COL27A1: variants seen among roughly 807,000 people sequenced by gnomAD.
COL27A1 encodes collagen type XXVII alpha 1 chain.
Under a neutral mutation model 251.3 loss-of-function variants are expected in COL27A1, and 106 were observed. That is an observed-to-expected ratio of 0.42 (90% CI 0.36 to 0.50). COL27A1 has a LOEUF of 0.50. Ranked by LOEUF, COL27A1 falls within the 20% of genes least tolerant of loss-of-function variation. The pLI is 0.00. For missense variants in COL27A1, 2,325 were observed against 2,522.8 expected (o/e 0.92, Z 1.68); for synonymous variants, 1,000 against 986.3 (o/e 1.01, Z -0.26).
chr9:114,225,885 C>T (rs976626147), intron 14 of COL27A1, among the ~76,000 whole-genome samples: 8 of 152,170 alleles, frequency 5.3e-5, no homozygotes, highest in Non-Finnish European at 8.8e-5. Context: ...ATGTGTGCAA[C>T]ACATGCACTG....
intron 14 of COL27A1, 24 bp downstream of exon 14, chr9:114,222,291 A>G: frequency 1.9e-6 from 3 of 1,609,600 alleles, no homozygotes; most frequent in Non-Finnish European, 2.5e-6. Flanking sequence ...TGCCTGGGGC[A>G]GCAGGTGGGT....
In COL27A1 at chr9:114,180,215, C is replaced by T. The variant is rs79095630; in HGVS notation, c.1962+1871C>T. Among the ~76,000 whole-genome samples the T allele has an allele frequency of 2.7e-3, 407 of 152,266 alleles. 11 individuals are homozygous for T. In the South Asian group the frequency reaches 0.041, roughly 15 times the overall value. ...CCTGAGCCCCTCCAGAGATAGGCCTCGGTTACCTCTCTCTCCTACGTGATG... is the reference window on the plus strand; with the variant it reads ...CCTGAGCCCCTCCAGAGATAGGCCTTGGTTACCTCTCTCTCCTACGTGATG... On this transcript the variant is annotated intron_variant, in intron 4 of 60. Transcript: ENST00000356083.
chr9:114,248,221 G>A (rs1249120454), intron 24 of COL27A1, among the ~76,000 whole-genome samples: 3 of 152,210 alleles, frequency 2.0e-5, no homozygotes, highest in Non-Finnish European at 4.4e-5. Flanking sequence ...CAGACTGGCT[G>A]CCAGGCCCTG....
chr9:114,284,742 G>C lies in COL27A1; in HGVS notation c.3952G>C (p.Gly1318Arg), dbSNP rs1231105360. 3 of 1,614,066 alleles carry C rather than the reference G, an allele frequency of 1.9e-6. No homozygotes were observed. The African/African-American group carries it at 4.0e-5, about 22-fold the overall frequency. Residue 1318 changes from glycine (G) to arginine (R), a missense_variant, in exon 41 of 61, where the codon GGA becomes CGA. Transcript: ENST00000356083. ...AGYDGHKGIVGPLGPPGPKGE... is the reference protein window; with the variant it reads ...AGYDGHKGIVRPLGPPGPKGE... ...CCTGCAGGGACACAAAGGCATTGTG[G>C]GACCCCTTGGACCTCCTGGACCAAA...
chr9:114,203,336 T>C (rs1351551189), intron 7 of COL27A1, among the ~76,000 whole-genome samples: 1 of 152,202 alleles, frequency 6.6e-6, no homozygotes, highest in African/African-American at 2.4e-5. Context: ...CAATGCCAAA[T>C]ACTGCGCTTT....
intron 28 of COL27A1, among the ~76,000 whole-genome samples, chr9:114,261,112 C>G (rs991591364): frequency 3.9e-5 from 6 of 152,222 alleles, no homozygotes; most frequent in Non-Finnish European, 8.8e-5. Context: ...ACTGCCTGAG[C>G]ACCTTGAACT....
intron 28 of COL27A1, among the ~76,000 whole-genome samples, chr9:114,263,874 T>C (rs1834532811): frequency 6.6e-6 from 1 of 152,172 alleles, no homozygotes; most frequent in Non-Finnish European, 1.5e-5. Context: ...ATGGGGCTGC[T>C]CCACACATCT....
At chr9:114,188,648 A>G (rs1461579726) in intron 5 of COL27A1, among the ~76,000 whole-genome samples, 3 of 152,360 alleles carry the variant, frequency 2.0e-5, no homozygotes, top group Non-Finnish European at 2.9e-5. Flanking sequence ...ATACATACAC[A>G]TATATACAAA....
chr9:114,270,259 A>T (rs2787332), intron 35 of COL27A1, among the ~76,000 whole-genome samples: 1 of 152,074 alleles, frequency 6.6e-6, no homozygotes, highest in East Asian at 1.9e-4. Context: ...AACAGATGCC[A>T]ATGAGACCTA....
chr9:114,236,207 C>T (rs1011399469), intron 17 of COL27A1, among the ~76,000 whole-genome samples: 2 of 152,148 alleles, frequency 1.3e-5, no homozygotes, highest in Non-Finnish European at 2.9e-5. Context: ...GGCCATTTCC[C>T]TCTCTAGATG....
intron 14 of COL27A1, among the ~76,000 whole-genome samples, chr9:114,228,414 G>T (rs187605508): frequency 6.6e-6 from 1 of 152,208 alleles, no homozygotes; most frequent in Non-Finnish European, 1.5e-5. Context: ...GGCTGCCTTC[G>T]TCCAGGAAAG....
chr9:114,236,061 C>T (rs1832375151), intron 17 of COL27A1, among the ~76,000 whole-genome samples: 1 of 152,054 alleles, frequency 6.6e-6, no homozygotes, highest in Non-Finnish European at 1.5e-5. Context: ...CTCTGCACTC[C>T]AGCCCCACTG....
In COL27A1 at chr9:114,301,445, G is replaced by T; in HGVS notation, c.4792G>T (p.Gly1598Ter). Residue 1598 changes from glycine to a stop codon, truncating the protein, a stop_gained and splice_region_variant, in exon 54 of 61, where the codon GGA becomes TGA. Coordinates refer to ENST00000356083, the MANE Select transcript of COL27A1 (RefSeq NM_032888.4). LOFTEE classifies it high-confidence loss of function. ...KGDKGSRGDW[G>*]LQGPRGPPGP... Reference sequence around the variant, plus strand: ...CTCCCCTGCTTCTGTCTCCCTCCAGGGATTGCAAGGTCCGAGGGTGAGTGG... The same window carrying T: ...CTCCCCTGCTTCTGTCTCCCTCCAGTGATTGCAAGGTCCGAGGGTGAGTGG... 1 of 1,611,836 alleles carries T rather than the reference G, an allele frequency of 6.2e-7. No homozygotes were observed. Among genetic ancestry groups the T allele is most frequent in the Non-Finnish European group, 8.5e-7 (1 of 1,179,850 alleles).
intron 12 of COL27A1, among the ~76,000 whole-genome samples, chr9:114,216,522 C>A (rs940718625): frequency 6.6e-6 from 1 of 152,148 alleles, no homozygotes; most frequent in Non-Finnish European, 1.5e-5. Flanking sequence ...CACTTAGTAG[C>A]GGAGGGATGA....
chr9:114,264,463 C>A, intron 29 of COL27A1, 55 bp downstream of exon 29: 2 of 1,379,704 alleles, frequency 1.4e-6, no homozygotes, highest in Non-Finnish European at 9.9e-7. Flanking sequence ...GGTCAGGAAT[C>A]GTGAACAAGG....
At position 114,288,513 on chromosome 9, in the gene COL27A1, T is replaced by C; in HGVS notation, c.4044+2T>C. 6.2e-7 allele frequency: 1 copy of C among 1,603,946 alleles called. No individual in the cohort carries two copies. The highest frequency in any genetic ancestry group is 8.5e-7 in the Non-Finnish European group (1 of 1,176,368). On this transcript the variant is annotated splice_donor_variant, in intron 42 of 60. Transcript: ENST00000356083. LOFTEE classifies it high-confidence loss of function. ...CCCCCTGGGCCACCTGGAGATCGGG[T>C]AAGCCCCCTCCCTCCCCTGGACCAT...
At chr9:114,262,998 G>T (rs1184957312) in intron 28 of COL27A1, among the ~76,000 whole-genome samples, 3 of 138,706 alleles carry the variant, frequency 2.2e-5, no homozygotes, top group African/African-American at 8.2e-5. Flanking sequence ...GAGTGCAGTG[G>T]TGCGATCTCC....
intron 22 of COL27A1, 35 bp from the exon 23 acceptor site, chr9:114,243,472 C>T: frequency 6.2e-7 from 1 of 1,604,700 alleles, no homozygotes; most frequent in East Asian, 2.2e-5. Context: ...TTGCCCCTGT[C>T]CAGCTTCTCC....
intron 12 of COL27A1, among the ~76,000 whole-genome samples, chr9:114,216,251 G>A (rs1830705867): frequency 6.6e-6 from 1 of 152,254 alleles, no homozygotes; most frequent in East Asian, 1.9e-4. Flanking sequence ...GAGAAACCAC[G>A]TGGCTGGGGC....
Sources: gnomAD v4.1 joint callset for allele counts (sites outside exome capture counted in the v4.1 genomes callset) on GRCh38, gnomAD v4.1.1 for gene constraint, MANE v1.5 for transcripts, NCBI Gene and HGNC (gene_info 2026-07-23, HGNC 2026-07-21) for gene names.